The following SPOCK1 variants were observed in gnomAD, a reference collection of about 807,000 sequenced individuals.
SPOCK1 encodes testican-1.
SPOCK1 carries 23 observed loss-of-function variants against 55.3 expected under a neutral mutation model. The ratio of observed to expected loss-of-function variants is 0.42; its 90% CI spans 0.30 to 0.59. The LOEUF is 0.59. Among genes scored for constraint, SPOCK1 ranks in the 20% least tolerant of loss-of-function variants. SPOCK1 has a pLI of 0.22. For missense variants in SPOCK1, 499 were observed against 552.5 expected, an observed-to-expected ratio of 0.90 and a Z score of 0.97; for synonymous variants, 226 against 221.0, an observed-to-expected ratio of 1.02 and a Z score of -0.20.
At chr5:137,268,345 T>C (rs1240084007) in intron 2 of SPOCK1, among the ~76,000 whole-genome samples, 3 of 152,192 alleles carry the variant, frequency 2.0e-5, no homozygotes, top group Non-Finnish European at 4.4e-5. Context: ...ATTTTTAGTT[T>C]CAAAGAATTG....
intron 2 of SPOCK1, among the ~76,000 whole-genome samples, chr5:137,290,932 G>T (rs1422672689): frequency 1.3e-5 from 2 of 152,184 alleles, no homozygotes; most frequent in African/African-American, 2.4e-5. Flanking sequence ...CTAAGTGCTG[G>T]TATCTTTCCA....
At chr5:137,496,606 T>C (rs1332428769) in intron 2 of SPOCK1, among the ~76,000 whole-genome samples, 1 of 152,218 alleles carries the variant, frequency 6.6e-6, no homozygotes, top group African/African-American at 2.4e-5. Flanking sequence ...TCTTCAACTC[T>C]ATCTAAAAGA....
intron 5 of SPOCK1, among the ~76,000 whole-genome samples, chr5:137,088,741 A>T (rs28681445): frequency 0.17 from 26,250 of 152,116 alleles, 2,457 homozygotes; most frequent in East Asian, 0.37. Context: ...ATATGATACC[A>T]CATCGGTCAC....
intron 5 of SPOCK1, among the ~76,000 whole-genome samples, chr5:137,070,239 T>G (rs965872205): frequency 2.0e-5 from 3 of 152,192 alleles, no homozygotes; most frequent in African/African-American, 7.2e-5. Context: ...AGAGCTGAAG[T>G]GTTCTGAACA....
chr5:137,411,630 C>A (rs936708481), intron 2 of SPOCK1, among the ~76,000 whole-genome samples: 4 of 152,198 alleles, frequency 2.6e-5, no homozygotes, highest in Admixed American at 2.6e-4. Flanking sequence ...TGCCACTTCC[C>A]AGCTGTGTGT....
intron 4 of SPOCK1, among the ~76,000 whole-genome samples, chr5:137,131,475 G>A (rs1753874732): frequency 1.3e-5 from 2 of 151,948 alleles, no homozygotes; most frequent in South Asian, 4.2e-4. Flanking sequence ...AGGCATGGTG[G>A]CACATGCCTG....
intron 5 of SPOCK1, among the ~76,000 whole-genome samples, chr5:137,099,475 T>G (rs1753217944): frequency 6.6e-6 from 1 of 152,126 alleles, no homozygotes; most frequent in Non-Finnish European, 1.5e-5. Flanking sequence ...TATAAAAGTT[T>G]CACCAGGGAT....
intron 3 of SPOCK1, among the ~76,000 whole-genome samples, chr5:137,221,400 C>G (rs998559791): frequency 6.6e-6 from 1 of 152,150 alleles, no homozygotes; most frequent in East Asian, 1.9e-4. Flanking sequence ...TATTACAAGG[C>G]AATATATATG....
intron 3 of SPOCK1, among the ~76,000 whole-genome samples, chr5:137,236,086 G>A (rs1187509151): frequency 1.3e-5 from 2 of 152,252 alleles, no homozygotes; most frequent in Non-Finnish European, 2.9e-5. Flanking sequence ...CAGAGCTCAT[G>A]CTTTGCCTTT....
chr5:137,070,386 A>G (rs552606536), intron 5 of SPOCK1, among the ~76,000 whole-genome samples: 2 of 152,370 alleles, frequency 1.3e-5, no homozygotes, highest in East Asian at 3.9e-4. Flanking sequence ...CTGCTAGACC[A>G]TGAAGGCCTT....
intron 4 of SPOCK1, among the ~76,000 whole-genome samples, chr5:137,133,001 GA>G (rs993200254): frequency 5.9e-5 from 9 of 152,120 alleles, no homozygotes; most frequent in African/African-American, 2.2e-4. Context: ...AGGCTTAAAT[GA>G]AAAATGGGAA....
chr5:137,408,551 T>C (rs928859749), intron 2 of SPOCK1, among the ~76,000 whole-genome samples: 2 of 152,202 alleles, frequency 1.3e-5, no homozygotes, highest in Non-Finnish European at 2.9e-5. Context: ...TCTTTGTCTC[T>C]AATCCAAACC....
chr5:137,282,402 A>G (rs892340128), intron 2 of SPOCK1, among the ~76,000 whole-genome samples: 1 of 152,262 alleles, frequency 6.6e-6, no homozygotes, highest in South Asian at 2.1e-4. Flanking sequence ...CAGAGCTGCA[A>G]GCAAACACGC....
chr5:137,088,403 G>A (rs1752998454), intron 5 of SPOCK1, among the ~76,000 whole-genome samples: 1 of 152,160 alleles, frequency 6.6e-6, no homozygotes, highest in African/African-American at 2.4e-5. Context: ...CTTGAAAGAC[G>A]AACGATGTCT....
intron 3 of SPOCK1, among the ~76,000 whole-genome samples, chr5:137,257,759 T>C (rs1279425832): frequency 6.6e-6 from 1 of 152,196 alleles, no homozygotes; most frequent in African/African-American, 2.4e-5. Context: ...TCACCTCTTC[T>C]AGGATCCTTT....
At chr5:137,393,772 A>G (rs1399848401) in intron 2 of SPOCK1, among the ~76,000 whole-genome samples, 6 of 152,360 alleles carry the variant, frequency 3.9e-5, no homozygotes, top group African/African-American at 1.4e-4. Context: ...TTTGTTTACC[A>G]TAATAAACTT....
chr5:137,211,545 C>T (rs957766810), intron 3 of SPOCK1, among the ~76,000 whole-genome samples: 2 of 152,100 alleles, frequency 1.3e-5, no homozygotes, highest in Non-Finnish European at 2.9e-5. Flanking sequence ...TTCCTAAAAC[C>T]CTTGGAATCT....
At chr5:137,110,911 T>C (rs1369537638) in intron 5 of SPOCK1, among the ~76,000 whole-genome samples, 2 of 152,180 alleles carry the variant, frequency 1.3e-5, no homozygotes, top group Non-Finnish European at 2.9e-5. Flanking sequence ...GCAGATCCCA[T>C]GGGTCTGAGT....
At chr5:137,269,213 A>G (rs1756913962) in intron 2 of SPOCK1, among the ~76,000 whole-genome samples, 1 of 152,236 alleles carries the variant, frequency 6.6e-6, no homozygotes. Flanking sequence ...CCAAAATGTG[A>G]AAGTACACCT....
Sources: allele counts gnomAD v4.1 joint callset (sites outside exome capture counted in the v4.1 genomes callset), GRCh38; gene constraint gnomAD v4.1.1; transcripts MANE v1.5; gene names NCBI Gene and HGNC (gene_info 2026-07-23, HGNC 2026-07-21).